The following KCNIP4 variants were observed in gnomAD, a reference collection of about 807,000 sequenced individuals.
The protein encoded by KCNIP4 is Kv channel-interacting protein 4.
A neutral mutation model predicts 34.0 loss-of-function variants in KCNIP4; 12 were observed. The ratio of observed to expected loss-of-function variants is 0.35; its 90% CI spans 0.23 to 0.57. KCNIP4 has a LOEUF of 0.57. Among genes scored for constraint, KCNIP4 ranks in the 20% least tolerant of loss-of-function variants. The pLI, the probability that KCNIP4 is intolerant of heterozygous loss-of-function variation, is 0.83. For synonymous variants in KCNIP4, 124 were observed against 102.2 expected (o/e 1.21, Z -1.29); for missense variants, 238 against 311.7 (o/e 0.76, Z 1.78).
At chr4:21,466,454 G>A (rs1412497552) in intron 1 of KCNIP4, among the ~76,000 whole-genome samples, 22 of 151,982 alleles carry the variant, frequency 1.4e-4, no homozygotes, top group Admixed American at 1.4e-3. Flanking sequence ...CTGTTATCTG[G>A]CATTTTATCA....
chr4:20,887,403 TAATA>T (rs140559983), intron 1 of KCNIP4, among the ~76,000 whole-genome samples: 15 of 150,082 alleles, frequency 1.0e-4, no homozygotes, highest in South Asian at 4.2e-4. Context: ...ACTTAAAGTA[TAATA>T]AATAAATAAA....
At chr4:21,565,772 A>G (rs1739834194) in intron 1 of KCNIP4, among the ~76,000 whole-genome samples, 1 of 152,152 alleles carries the variant, frequency 6.6e-6, no homozygotes, top group Non-Finnish European at 1.5e-5. Context: ...CTTATTTTTG[A>G]AAAACTCATA....
intron 1 of KCNIP4, among the ~76,000 whole-genome samples, chr4:21,835,900 A>T (rs959033199): frequency 1.3e-5 from 2 of 152,250 alleles, no homozygotes; most frequent in Admixed American, 6.5e-5. Context: ...ACCTAAAAAA[A>T]ATATTTAGCA....
intron 1 of KCNIP4, among the ~76,000 whole-genome samples, chr4:21,028,548 C>T (rs1740742583): frequency 6.6e-6 from 1 of 152,180 alleles, no homozygotes; most frequent in Non-Finnish European, 1.5e-5. Context: ...ACATGATTCC[C>T]AGAGGCAGTT....
chr4:21,446,786 T>TA (rs995826342), intron 1 of KCNIP4, among the ~76,000 whole-genome samples: 46 of 151,438 alleles, frequency 3.0e-4, no homozygotes, highest in South Asian at 1.0e-3. Context: ...TTCCCAAACA[T>TA]AAAAAAAAAC....
chr4:20,759,317 A>G (rs143837218), intron 3 of KCNIP4, among the ~76,000 whole-genome samples: 1 of 152,284 alleles, frequency 6.6e-6, no homozygotes, highest in African/African-American at 2.4e-5. Flanking sequence ...GAATTACTCT[A>G]TTGGCATCTC....
intron 1 of KCNIP4, among the ~76,000 whole-genome samples, chr4:21,032,230 G>A (rs6853609): frequency 0.44 from 66,715 of 151,956 alleles, 16,535 homozygotes; most frequent in African/African-American, 0.69. Context: ...CATGAGCCCG[G>A]ATGGCTTCTA....
chr4:20,988,727 T>A (rs1161573901), intron 1 of KCNIP4, among the ~76,000 whole-genome samples: 3 of 152,210 alleles, frequency 2.0e-5, no homozygotes, highest in African/African-American at 7.2e-5. Flanking sequence ...AAAATGTTAC[T>A]CCAAAATATG....
At chr4:21,522,699 G>A (rs57362150) in intron 1 of KCNIP4, among the ~76,000 whole-genome samples, 26,532 of 151,672 alleles carry the variant, frequency 0.17, 2,696 homozygotes, top group Middle Eastern at 0.27. Flanking sequence ...GTTACTACCT[G>A]TCCAACCATA....
intron 1 of KCNIP4, among the ~76,000 whole-genome samples, chr4:20,912,515 C>A (rs952667538): frequency 1.3e-5 from 2 of 151,984 alleles, no homozygotes; most frequent in African/African-American, 4.8e-5. Flanking sequence ...AAGCAAGCAA[C>A]CAAACAAACA....
rs563585029 is a variant in KCNIP4 at position 21,875,444 on chromosome 4, C to CT, written c.61+73126dup. ...TTTTCACCTATTTACTCATAAAATGCTTTTCTACGTTGAAATAGTCAGTGG... is the reference window on the plus strand; with the variant it reads ...TTTTCACCTATTTACTCATAAAATGCTTTTTCTACGTTGAAATAGTCAGTGG... On this transcript the variant is annotated intron_variant, in intron 1 of 8. Transcript: ENST00000382152. Among the ~76,000 whole-genome samples, 363 of 152,248 alleles carry CT rather than the reference C, an allele frequency of 2.4e-3. 2 individuals are homozygous for CT. The highest frequency in any genetic ancestry group is 8.5e-3 in the African/African-American group (353 of 41,548).
At chr4:21,904,746 G>T (rs1727899095) in intron 1 of KCNIP4, among the ~76,000 whole-genome samples, 1 of 152,044 alleles carries the variant, frequency 6.6e-6, no homozygotes, top group African/African-American at 2.4e-5. Flanking sequence ...TTTGTGGTAG[G>T]GGGTTGTCTT....
intron 3 of KCNIP4, among the ~76,000 whole-genome samples, chr4:20,764,823 T>C (rs879795778): frequency 2.0e-5 from 3 of 152,148 alleles, no homozygotes; most frequent in Non-Finnish European, 4.4e-5. Context: ...TAAAGCAATT[T>C]GCCTGTTTTT....
intron 1 of KCNIP4, chr4:21,843,948 T>G (rs1460763748): frequency 6.6e-6 from 1 of 152,022 alleles, no homozygotes; most frequent in East Asian, 1.9e-4. Context: ...AACAGGACCT[T>G]TCAATGCATT....
chr4:21,719,160 A>T (rs1714606508), intron 1 of KCNIP4: 1 of 152,234 alleles, frequency 6.6e-6, no homozygotes, highest in Non-Finnish European at 1.5e-5. Context: ...CCAAAAACAG[A>T]TACACATCTT....
At position 21,425,771 on chromosome 4, in the gene KCNIP4, C is replaced by T. The variant is rs554726664; in HGVS notation, c.61+522800G>A. Among the ~76,000 whole-genome samples the T allele has an allele frequency of 5.3e-5, 8 of 152,186 alleles. No individual in the cohort carries two copies. In the East Asian group the frequency reaches 9.7e-4, roughly 18 times the overall value. ...CATGCTAACATATCTTAAAAGTGGC[C>T]GGACATGGTGACTCCCGTCTGTAAT... is the stretch of plus-strand genomic sequence containing the variant. On this transcript the variant is annotated intron_variant, in intron 1 of 8. Coordinates refer to ENST00000382152, the MANE Select transcript of KCNIP4 (RefSeq NM_025221.6).
At chr4:20,989,274 A>G (rs947025529) in intron 1 of KCNIP4, among the ~76,000 whole-genome samples, 1 of 152,188 alleles carries the variant, frequency 6.6e-6, no homozygotes, top group African/African-American at 2.4e-5. Context: ...TCACCCCTAC[A>G]TCCATATTCA....
chr4:20,925,582 T>A (rs1420207888), intron 1 of KCNIP4, among the ~76,000 whole-genome samples: 1 of 152,218 alleles, frequency 6.6e-6, no homozygotes, highest in Non-Finnish European at 1.5e-5. Context: ...GCTCTGTCTA[T>A]AGAGTAGCGA....
intron 1 of KCNIP4, among the ~76,000 whole-genome samples, chr4:21,806,155 C>T (rs184463333): frequency 4.6e-5 from 7 of 152,278 alleles, no homozygotes; most frequent in African/African-American, 1.2e-4. Context: ...CTCTTCCAAA[C>T]GAAGCTGCAT....
Sources: gnomAD v4.1 joint callset for allele counts (sites outside exome capture counted in the v4.1 genomes callset) on GRCh38, gnomAD v4.1.1 for gene constraint, MANE v1.5 for transcripts, NCBI Gene and HGNC (gene_info 2026-07-23, HGNC 2026-07-21) for gene names.